SPTA1: variants seen among roughly 807,000 people sequenced by gnomAD.
The protein encoded by SPTA1 is spectrin alpha, erythrocytic 1.
A neutral mutation model predicts 324.7 loss-of-function variants in SPTA1; 177 were observed. The observed-to-expected ratio is 0.55, with a 90% confidence interval of 0.48 to 0.62. The LOEUF is 0.62. SPTA1 is among the 20% of genes least tolerant of loss of function. The pLI is 0.00. For synonymous variants in SPTA1, 1,195 were observed against 1,041.3 expected (o/e 1.15, Z -2.84); for missense variants, 3,162 against 2,883.6 (o/e 1.10, Z -2.21).
In SPTA1 at chr1:158,638,246, A is replaced by G. The variant is rs754106637; in HGVS notation, c.4981-5T>C. The G allele has an allele frequency of 1.9e-5, 31 of 1,610,438 alleles. No individual in the cohort carries two copies. Among genetic ancestry groups the G allele is most frequent in the Non-Finnish European group, 2.6e-5 (31 of 1,179,752 alleles). ...ATTCAGGTCCTTGAGTGCATCCTAG[A>G]AAGTCTCGGGATACTCAGTGAATAG... On this transcript the variant is annotated splice_region_variant and splice_polypyrimidine_tract_variant and intron_variant, in intron 35 of 51. Transcript: ENST00000643759.
intron 18 of SPTA1, among the ~76,000 whole-genome samples, 196 bp from the exon 19 acceptor site, chr1:158,657,890 A>C (rs1652939842): frequency 6.6e-6 from 1 of 152,172 alleles, no homozygotes; most frequent in Admixed American, 6.6e-5. Context: ...CTAATGGGAG[A>C]TATGCATGTG....
In SPTA1 at chr1:158,647,531, C is replaced by T. The variant is rs756805958; in HGVS notation, c.3896+8G>A. The T allele has an allele frequency of 1.2e-6, 2 of 1,612,822 alleles. No homozygotes were observed. Among genetic ancestry groups the T allele is most frequent in the South Asian group, 1.1e-5 (1 of 91,020 alleles). Reference sequence around the variant, plus strand: ...GGCCAGACACGGAAGTTACCCACCCCACTCTACCTGGCCTTGCTGAGGAAC... The same window carrying T: ...GGCCAGACACGGAAGTTACCCACCCTACTCTACCTGGCCTTGCTGAGGAAC... On this transcript the variant is annotated splice_region_variant and intron_variant, in intron 27 of 51. Coordinates refer to ENST00000643759, the MANE Select transcript of SPTA1 (RefSeq NM_003126.4).
At chr1:158,678,140 C>T (rs1364533500) in intron 6 of SPTA1, among the ~76,000 whole-genome samples, 1 of 152,108 alleles carries the variant, frequency 6.6e-6, no homozygotes, top group Non-Finnish European at 1.5e-5. Flanking sequence ...TGCTTCCCTT[C>T]CGTCTGCAGC....
chr1:158,639,693 A>G lies in SPTA1; in HGVS notation c.4876-7T>C, dbSNP rs748946944. ...TGGCCAGCAATGTCTCTGCCTGGAA[A>G]TAGAGAAATAAGCAATAAAGCTGCC... On this transcript the variant is annotated splice_region_variant and splice_polypyrimidine_tract_variant and intron_variant, in intron 34 of 51. Transcript: ENST00000643759. 6.2e-7 allele frequency: 1 copy of G among 1,613,848 alleles called. No homozygotes were observed. The highest frequency in any genetic ancestry group is 8.5e-7 in the Non-Finnish European group (1 of 1,179,898).
intron 35 of SPTA1, among the ~76,000 whole-genome samples, chr1:158,638,658 A>C (rs1651281596): frequency 6.6e-6 from 1 of 151,178 alleles, no homozygotes; most frequent in Admixed American, 6.6e-5. Flanking sequence ...TGTACTAAAA[A>C]CACAAAAATT....
At chr1:158,642,304 TATA>T (rs1391645613) in intron 33 of SPTA1, 104 bp downstream of exon 33, 26 of 1,215,962 alleles carry the variant, frequency 2.1e-5, no homozygotes, top group South Asian at 1.7e-4. Flanking sequence ...AAACTTAAAG[TATA>T]ATAATAATAA....
Position 158,638,118 on chromosome 1 carries a change from C to T in SPTA1, c.5104G>A (p.Ala1702Thr). The T allele has an allele frequency of 6.2e-7, 1 of 1,614,042 alleles. No individual in the cohort carries two copies. Among genetic ancestry groups the T allele is most frequent in the Non-Finnish European group, 8.5e-7 (1 of 1,179,976 alleles). ...TTCAATTTTTCGTGGTGTGCAGCTGCCAATTCTTGGACATTCAGGAAACGC... is the reference window on the plus strand; with the variant it reads ...TTCAATTTTTCGTGGTGTGCAGCTGTCAATTCTTGGACATTCAGGAAACGC... ...NKRFLNVQELAAAHHEKLKEA... is the reference protein window; with the variant it reads ...NKRFLNVQELTAAHHEKLKEA... The change falls in exon 36 of 52, where the codon GCA (alanine) becomes ACA (threonine). Residue 1702 changes from alanine to threonine, a missense_variant. Coordinates refer to ENST00000643759, the MANE Select transcript of SPTA1 (RefSeq NM_003126.4).
chr1:158,637,126 A>G (rs1431803803), intron 36 of SPTA1, among the ~76,000 whole-genome samples: 3 of 152,102 alleles, frequency 2.0e-5, no homozygotes, highest in African/African-American at 7.2e-5. Flanking sequence ...AGGTTTTGTT[A>G]TTTTCATTTA....
At chr1:158,647,857 A>T in intron 26 of SPTA1, 137 bp from the exon 27 acceptor site, 1 of 921,372 alleles carries the variant, frequency 1.1e-6, no homozygotes, top group Non-Finnish European at 1.6e-6. Flanking sequence ...ACTTTACAAA[A>T]TAATATCAAC....
chr1:158,636,568 C>T, intron 37 of SPTA1, 73 bp downstream of exon 37: 1 of 1,562,314 alleles, frequency 6.4e-7, no homozygotes, highest in Non-Finnish European at 8.8e-7. Flanking sequence ...GTAGCACCCT[C>T]TTATTTATCT....
At chr1:158,669,214 C>G (rs1402958576) in intron 14 of SPTA1, among the ~76,000 whole-genome samples, 194 bp downstream of exon 14, 1 of 152,112 alleles carries the variant, frequency 6.6e-6, no homozygotes, top group Non-Finnish European at 1.5e-5. Context: ...TATAGGAAAA[C>G]CAAAATCTAG....
chr1:158,674,022 T>C lies in SPTA1; in HGVS notation c.1350+307A>G, dbSNP rs150554397. 8.8e-3 allele frequency among the ~76,000 whole-genome samples: 1,340 copies of C among 152,292 alleles called. 18 individuals carry two copies. Among genetic ancestry groups the C allele is most frequent in the African/African-American group, 0.03 (1,238 of 41,550 alleles). Reference sequence around the variant, plus strand: ...TACATAGCATTTACATTGTATGAAGTATTATAAGTAATCTGAAGATAATTT... The same window carrying C: ...TACATAGCATTTACATTGTATGAAGCATTATAAGTAATCTGAAGATAATTT... On this transcript the variant is annotated intron_variant, in intron 10 of 51. Coordinates refer to ENST00000643759, the MANE Select transcript of SPTA1 (RefSeq NM_003126.4).
chr1:158,653,514 G>A (rs1186502046), intron 21 of SPTA1, 89 bp from the exon 22 acceptor site: 2 of 1,570,638 alleles, frequency 1.3e-6, no homozygotes, highest in East Asian at 4.5e-5. Context: ...CTTGGCCCAG[G>A]CACAGGTTAA....
intron 35 of SPTA1, among the ~76,000 whole-genome samples, chr1:158,638,516 C>T (rs1219646787): frequency 4.0e-5 from 6 of 151,896 alleles, no homozygotes; most frequent in Non-Finnish European, 8.8e-5. Flanking sequence ...GCCTTCTCTC[C>T]CCAACTAAAA....
rs79264146 is a variant in SPTA1, at chr1:158,628,085, T to A, written c.5566-362A>T. Among the ~76,000 whole-genome samples, 1,310 of 152,198 alleles carry A rather than the reference T, an allele frequency of 8.6e-3. 17 individuals are homozygous for A. Among genetic ancestry groups the A allele is most frequent in the African/African-American group, 0.03 (1,248 of 41,522 alleles). On this transcript the variant is annotated intron_variant, in intron 39 of 51. Coordinates refer to ENST00000643759, the MANE Select transcript of SPTA1 (RefSeq NM_003126.4). ...AAACAATGTGTCTAGCAGAAAAAAA[T>A]TTAGTATCAAGAACATCCTAAACTA...
chr1:158,676,782 G>A (rs1654420034), intron 7 of SPTA1, among the ~76,000 whole-genome samples: 1 of 152,128 alleles, frequency 6.6e-6, no homozygotes. Flanking sequence ...AACCTCTGAG[G>A]AGCAGGGTTA....
Position 158,657,628 on chromosome 1 carries a change from C to T in SPTA1, c.2654G>A (p.Arg885His), listed in dbSNP as rs370989483. ...KSLNQNMESL[R>H]ARAARRQNDL... is the part of the protein sequence containing the mutation. Reference sequence around the variant, plus strand: ...ATTTTGTCGCCTAGCAGCTCGAGCACGGAGAGACTCCATATTCTGGTTCAA... The same window carrying T: ...ATTTTGTCGCCTAGCAGCTCGAGCATGGAGAGACTCCATATTCTGGTTCAA... The change falls in exon 19 of 52, where the codon CGT (arginine) becomes CAT (histidine). Residue 885 changes from arginine (R) to histidine (H), a missense_variant. Coordinates refer to ENST00000643759, the MANE Select transcript of SPTA1 (RefSeq NM_003126.4). 2.2e-4 allele frequency: 353 copies of T among 1,614,076 alleles called. 1 individual carries two copies. The highest frequency in any genetic ancestry group is 3.3e-4 in the Middle Eastern group (2 of 6,060).
chr1:158,641,360 G>T (rs1380063418), intron 33 of SPTA1, among the ~76,000 whole-genome samples: 1 of 152,146 alleles, frequency 6.6e-6, no homozygotes, highest in Non-Finnish European at 1.5e-5. Context: ...ACTACCATCA[G>T]AGTGAAGAGG....
At chr1:158,657,329 C>G (rs1300560894) in intron 19 of SPTA1, 148 bp downstream of exon 19, 1 of 777,250 alleles carries the variant, frequency 1.3e-6, no homozygotes, top group African/African-American at 1.7e-5. Context: ...GAGGGAGTCT[C>G]AGCAGATGAA....
Sources: allele counts gnomAD v4.1 joint callset (sites outside exome capture counted in the v4.1 genomes callset), GRCh38; gene constraint gnomAD v4.1.1; transcripts MANE v1.5; gene names NCBI Gene and HGNC (gene_info 2026-07-23, HGNC 2026-07-21).